Variants in RAB10 observed in about 807,000 individuals in gnomAD.
The protein encoded by RAB10 is ras-related protein Rab-10.
In RAB10, 5 loss-of-function variants were observed where a neutral mutation model predicts 25.7. The ratio of observed to expected loss-of-function variants is 0.19; its 90% CI spans 0.10 to 0.41. The LOEUF (loss-of-function observed/expected upper bound fraction) is 0.41, where lower values mean the gene tolerates loss of function less well. RAB10 is among the 10% of genes least tolerant of loss of function. The pLI is 1.00. For synonymous variants in RAB10, 89 were observed against 86.4 expected (o/e 1.03, Z -0.16); for missense variants, 103 against 245.8 (o/e 0.42, Z 3.89).
At chr2:26,102,599 C>A (rs1022609824) in intron 2 of RAB10, among the ~76,000 whole-genome samples, 1 of 152,076 alleles carries the variant, frequency 6.6e-6, no homozygotes, top group African/African-American at 2.4e-5. Context: ...TCACCACGTC[C>A]AGCTAATTTT....
At chr2:26,095,715 C>T (rs1667198305) in intron 1 of RAB10, among the ~76,000 whole-genome samples, 1 of 151,940 alleles carries the variant, frequency 6.6e-6, no homozygotes, top group African/African-American at 2.4e-5. Flanking sequence ...GTTGGAGCAC[C>T]AGCCTGGGCA....
At chr2:26,063,164 G>A (rs1666444806) in intron 1 of RAB10, among the ~76,000 whole-genome samples, 1 of 151,938 alleles carries the variant, frequency 6.6e-6, no homozygotes, top group Non-Finnish European at 1.5e-5. Context: ...AAATCTAATG[G>A]TCAATCTATT....
chr2:26,048,558 T>G (rs911947982), intron 1 of RAB10, among the ~76,000 whole-genome samples: 1 of 152,350 alleles, frequency 6.6e-6, no homozygotes, highest in African/African-American at 2.4e-5. Context: ...GGATTGTTTT[T>G]TAACTGTTGA....
rs1651275566 is a variant in RAB10, at chr2:26,034,463, T to G, written c.-146T>G. On this transcript the variant is annotated 5_prime_UTR_variant, in exon 1 of 6. Coordinates refer to ENST00000264710, the MANE Select transcript of RAB10 (RefSeq NM_016131.5). ...ACTGTCGGGGCTTCCTCAAAGCTGT[T>G]CGTAGGTCGCCCGCGCCGTCTCGAG... 9.0e-7 allele frequency: 1 copy of G among 1,107,838 alleles called. No homozygotes were observed. Among genetic ancestry groups the G allele is most frequent in the South Asian group, 1.5e-5 (1 of 64,926 alleles). 68.6% of individuals were successfully genotyped at this position (1,107,838 alleles called of 1,614,324 possible).
intron 1 of RAB10, among the ~76,000 whole-genome samples, chr2:26,059,394 T>C (rs1666349332): frequency 6.6e-6 from 1 of 152,222 alleles, no homozygotes; most frequent in Non-Finnish European, 1.5e-5. Flanking sequence ...ATAAACACAA[T>C]GTACTAGAAT....
intron 3 of RAB10, among the ~76,000 whole-genome samples, chr2:26,112,484 C>A (rs1186748328): frequency 1.3e-5 from 2 of 152,204 alleles, no homozygotes; most frequent in African/African-American, 4.8e-5. Context: ...AGGTCAGTGA[C>A]AGGAACTGGG....
At chr2:26,119,826 T>C (rs935259133) in intron 3 of RAB10, among the ~76,000 whole-genome samples, 1 of 152,230 alleles carries the variant, frequency 6.6e-6, no homozygotes, top group Non-Finnish European at 1.5e-5. Context: ...GCAGGCTTAC[T>C]TTCAAATATA....
intron 5 of RAB10, among the ~76,000 whole-genome samples, chr2:26,133,096 CTCTAAGGGCA>C (rs1668042481): frequency 6.6e-6 from 1 of 152,090 alleles, no homozygotes; most frequent in Non-Finnish European, 1.5e-5. Flanking sequence ...AGTAGGAGAG[CTCTAAGGGCA>C]AGTAGCAGTG....
intron 1 of RAB10, among the ~76,000 whole-genome samples, chr2:26,064,608 ATGC>A (rs1179026904): frequency 6.6e-6 from 1 of 152,214 alleles, no homozygotes; most frequent in Non-Finnish European, 1.5e-5. Flanking sequence ...GCCTCCCAAA[ATGC>A]TGGGGTTACA....
At chr2:26,045,481 C>T (rs1031967991) in intron 1 of RAB10, among the ~76,000 whole-genome samples, 63 of 151,920 alleles carry the variant, frequency 4.1e-4, no homozygotes, top group Middle Eastern at 3.4e-3. Context: ...CCTCATGATC[C>T]GCCCGCCTCT....
At chr2:26,097,306 C>T (rs763819608) in intron 1 of RAB10, among the ~76,000 whole-genome samples, 1 of 152,138 alleles carries the variant, frequency 6.6e-6, no homozygotes, top group Non-Finnish European at 1.5e-5. Context: ...CGGAGTCTCA[C>T]TCTGTCGCCC....
chr2:26,061,540 T>C (rs1666394522), intron 1 of RAB10, among the ~76,000 whole-genome samples: 1 of 152,034 alleles, frequency 6.6e-6, no homozygotes, highest in Admixed American at 6.6e-5. Context: ...CATGCCACCA[T>C]GCCTGACTAA....
At chr2:26,044,370 G>A (rs1156958667) in intron 1 of RAB10, among the ~76,000 whole-genome samples, 3 of 152,120 alleles carry the variant, frequency 2.0e-5, no homozygotes, top group Admixed American at 6.6e-5. Context: ...TGTACTTTCA[G>A]TTGTTGAAGG....
intron 1 of RAB10, among the ~76,000 whole-genome samples, chr2:26,063,742 T>TC (rs572703245): frequency 4.1e-4 from 63 of 152,300 alleles, no homozygotes; most frequent in African/African-American, 1.4e-3. Context: ...ACAGATCCAG[T>TC]CGTTACATTG....
intron 1 of RAB10, among the ~76,000 whole-genome samples, chr2:26,092,546 G>A (rs1038179155): frequency 2.6e-5 from 4 of 152,146 alleles, no homozygotes; most frequent in African/African-American, 9.7e-5. Context: ...TAGAAGAAAT[G>A]TGAGGGAAAC....
At chr2:26,127,320 A>T (rs1005745811) in intron 4 of RAB10, 87 bp downstream of exon 4, 4 of 977,322 alleles carry the variant, frequency 4.1e-6, no homozygotes, top group Admixed American at 2.7e-5. Context: ...TAGTGATCGA[A>T]CACACTAAGC....
At chr2:26,110,596 T>C (rs1667550576) in intron 3 of RAB10, among the ~76,000 whole-genome samples, 1 of 152,224 alleles carries the variant, frequency 6.6e-6, no homozygotes, top group Admixed American at 6.5e-5. Context: ...TTTCATGTTA[T>C]AGAAATATAA....
Position 26,109,751 on chromosome 2 carries a change from T to C in RAB10, c.189-17T>C. 1.3e-6 allele frequency: 2 copies of C among 1,539,816 alleles called. No individual in the cohort carries two copies. Among genetic ancestry groups the C allele is most frequent in the Non-Finnish European group, 1.7e-6 (2 of 1,150,666 alleles). ...ATATCAAAATGCTTAATAGAAATTA[T>C]TGGCTGTTTATTTCAGGGATACAGC... On this transcript the variant is annotated splice_polypyrimidine_tract_variant and intron_variant, in intron 2 of 5. Coordinates refer to ENST00000264710, the MANE Select transcript of RAB10 (RefSeq NM_016131.5).
At chr2:26,110,690 ATGT>A (rs1309937069) in intron 3 of RAB10, among the ~76,000 whole-genome samples, 6 of 152,194 alleles carry the variant, frequency 3.9e-5, no homozygotes, top group South Asian at 2.1e-4. Flanking sequence ...GCATGTGAAA[ATGT>A]TGTTTTTTTT....
Sources: allele counts gnomAD v4.1 joint callset (sites outside exome capture counted in the v4.1 genomes callset), GRCh38; gene constraint gnomAD v4.1.1; transcripts MANE v1.5; gene names NCBI Gene and HGNC (gene_info 2026-07-23, HGNC 2026-07-21).